NALF1: variants seen among roughly 807,000 people sequenced by gnomAD.
The protein encoded by NALF1 is NALCN channel auxiliary factor 1, also known as family with sequence similarity 155 member A.
NALF1 carries 3 observed loss-of-function variants against 48.4 expected under a neutral mutation model. The ratio of observed to expected loss-of-function variants is 0.06; its 90% CI spans 0.03 to 0.16. NALF1 has a LOEUF of 0.16. NALF1 is among the 10% of genes least tolerant of loss of function. The pLI is 1.00. For synonymous variants in NALF1, 262 were observed against 245.7 expected, an observed-to-expected ratio of 1.07 and a Z score of -0.62; for missense variants, 526 against 571.5, an observed-to-expected ratio of 0.92 and a Z score of 0.81.
At chr13:107,773,799 A>G (rs995529799) in intron 1 of NALF1, among the ~76,000 whole-genome samples, 3 of 151,644 alleles carry the variant, frequency 2.0e-5, no homozygotes, top group Non-Finnish European at 4.4e-5. Context: ...AAATGGGTGT[A>G]GCACACCAAC....
At position 107,866,838 on chromosome 13, in the gene NALF1, G is replaced by C; in HGVS notation, c.-242C>G. On this transcript the variant is annotated 5_prime_UTR_variant, in exon 1 of 3. Transcript: ENST00000375915. This position sits in a 1 kb window ranked among gnomAD's most constrained non-coding sequence, Gnocchi z 4.4. The stretch of plus-strand genomic sequence containing the variant: ...TAAATATTACCAGGCTTTGAAGGAA[G>C]GTCTGACTTGCTTCCTAATCATCAG... The C allele has an allele frequency of 1.8e-6, 1 of 540,826 alleles. No individual in the cohort carries two copies. Among genetic ancestry groups the C allele is most frequent in the Non-Finnish European group, 3.2e-6 (1 of 308,136 alleles). 33.5% of individuals were successfully genotyped at this position (540,826 alleles called of 1,614,324 possible). A position where few individuals can be genotyped will look rare whatever the true frequency, so the allele number is the denominator to read the frequency against.
chr13:107,822,088 T>C (rs1594293209), intron 1 of NALF1, among the ~76,000 whole-genome samples: 1 of 146,936 alleles, frequency 6.8e-6, no homozygotes, highest in Non-Finnish European at 1.5e-5. Context: ...ATGTGTATCA[T>C]TGAGAAGCAT....
chr13:107,378,740 C>A (rs189882057), intron 1 of NALF1, among the ~76,000 whole-genome samples: 1 of 151,970 alleles, frequency 6.6e-6, no homozygotes, highest in Admixed American at 6.5e-5. Context: ...TTCCGTTGAA[C>A]AATATAGGTT....
chr13:107,382,736 G>T (rs1419079653), intron 1 of NALF1, among the ~76,000 whole-genome samples: 1 of 152,090 alleles, frequency 6.6e-6, no homozygotes, highest in Non-Finnish European at 1.5e-5. Flanking sequence ...CTGATTGGTC[G>T]TTTGGTAAAA....
At chr13:107,183,575 A>G (rs1879110759) in intron 2 of NALF1, among the ~76,000 whole-genome samples, 1 of 152,214 alleles carries the variant, frequency 6.6e-6, no homozygotes, top group Admixed American at 6.5e-5. Flanking sequence ...TCACAATAGC[A>G]AAGATGTGGA....
At chr13:107,307,754 G>A (rs546923470) in intron 1 of NALF1, among the ~76,000 whole-genome samples, 2 of 151,746 alleles carry the variant, frequency 1.3e-5, no homozygotes, top group South Asian at 2.1e-4. Context: ...CATTCTTTGC[G>A]GCACTAAAGA....
At chr13:107,240,716 AT>A (rs1311670288) in intron 1 of NALF1, among the ~76,000 whole-genome samples, 1 of 151,984 alleles carries the variant, frequency 6.6e-6, no homozygotes, top group African/African-American at 2.4e-5. Flanking sequence ...TATAAATTAG[AT>A]TTTTTGGTCA....
chr13:107,831,871 G>C (rs914344112), intron 1 of NALF1, among the ~76,000 whole-genome samples: 1 of 152,106 alleles, frequency 6.6e-6, no homozygotes, highest in African/African-American at 2.4e-5. Flanking sequence ...AAATTCATTT[G>C]ATAATAATGC....
At chr13:107,860,569 T>C (rs527574467) in intron 1 of NALF1, among the ~76,000 whole-genome samples, 2 of 152,300 alleles carry the variant, frequency 1.3e-5, no homozygotes, top group South Asian at 2.1e-4. Context: ...GATGTTCCAC[T>C]GTGACCCCAA....
At chr13:107,639,255 T>C (rs1324796646) in intron 1 of NALF1, among the ~76,000 whole-genome samples, 1 of 152,162 alleles carries the variant, frequency 6.6e-6, no homozygotes, top group Admixed American at 6.5e-5. Flanking sequence ...TTTCATAGTA[T>C]ATGGCCTGCA....
At chr13:107,538,188 C>T (rs748421266) in intron 1 of NALF1, among the ~76,000 whole-genome samples, 2 of 152,052 alleles carry the variant, frequency 1.3e-5, no homozygotes, top group African/African-American at 4.8e-5. Context: ...TACATCTGAC[C>T]AACTTGTGCC....
intron 1 of NALF1, among the ~76,000 whole-genome samples, chr13:107,338,696 C>T (rs554104984): frequency 1.3e-5 from 2 of 152,164 alleles, no homozygotes; most frequent in South Asian, 2.1e-4. Context: ...AAGAGCCATT[C>T]GGATTAACTT....
At chr13:107,311,624 A>C (rs527635572) in intron 1 of NALF1, among the ~76,000 whole-genome samples, 1 of 151,902 alleles carries the variant, frequency 6.6e-6, no homozygotes, top group South Asian at 2.1e-4. Context: ...CCCAAAAACT[A>C]TTCAGTAAAA....
At chr13:107,576,077 C>T (rs1808333317) in intron 1 of NALF1, among the ~76,000 whole-genome samples, 1 of 152,078 alleles carries the variant, frequency 6.6e-6, no homozygotes, top group Non-Finnish European at 1.5e-5. Context: ...AGTCCTGATC[C>T]AGAGCAGAGG....
intron 1 of NALF1, among the ~76,000 whole-genome samples, chr13:107,536,660 A>T (rs1285664423): frequency 1.3e-5 from 2 of 152,206 alleles, no homozygotes; most frequent in African/African-American, 2.4e-5. Context: ...CCATTGTGGA[A>T]GTCAGTGTGG....
chr13:107,387,141 T>C (rs1411763194), intron 1 of NALF1, among the ~76,000 whole-genome samples: 1 of 152,192 alleles, frequency 6.6e-6, no homozygotes, highest in Non-Finnish European at 1.5e-5. Flanking sequence ...ATAAAAGGCA[T>C]TTCAGCCATT....
At chr13:107,222,761 A>G (rs1349186857) in intron 1 of NALF1, among the ~76,000 whole-genome samples, 2 of 152,182 alleles carry the variant, frequency 1.3e-5, no homozygotes, top group Non-Finnish European at 2.9e-5. Flanking sequence ...AAGGGCAAGA[A>G]CCTGGTCTGT....
chr13:107,243,102 C>A (rs1880509208), intron 1 of NALF1, among the ~76,000 whole-genome samples: 1 of 152,162 alleles, frequency 6.6e-6, no homozygotes, highest in South Asian at 2.1e-4. Flanking sequence ...ACTCATTGCA[C>A]TTGGAATTGC....
At chr13:107,606,264 T>C (rs970388265) in intron 1 of NALF1, among the ~76,000 whole-genome samples, 1 of 59,550 alleles carries the variant, frequency 1.7e-5, no homozygotes, top group Non-Finnish European at 3.2e-5. Flanking sequence ...TTCCTTAACA[T>C]CTCATATATA....
Sources: allele counts gnomAD v4.1 joint callset (sites outside exome capture counted in the v4.1 genomes callset), GRCh38; gene constraint gnomAD v4.1.1; non-coding constraint Gnocchi (gnomAD v3.1); transcripts MANE v1.5; gene names NCBI Gene and HGNC (gene_info 2026-07-23, HGNC 2026-07-21).